GMDS: variants seen among roughly 807,000 people sequenced by gnomAD.
GMDS encodes the protein GDP-mannose 4,6 dehydratase.
In GMDS, 20 loss-of-function variants were observed where a neutral mutation model predicts 49.9. The ratio of observed to expected loss-of-function variants is 0.40; its 90% CI spans 0.28 to 0.58. The LOEUF (loss-of-function observed/expected upper bound fraction) is 0.58, where lower values mean the gene tolerates loss of function less well. Among genes scored for constraint, GMDS ranks in the 20% least tolerant of loss-of-function variants. The pLI, the probability that GMDS is intolerant of heterozygous loss-of-function variation, is 0.42. For missense variants in GMDS, 362 were observed against 481.4 expected, an observed-to-expected ratio of 0.75 and a Z score of 2.32; for synonymous variants, 177 against 178.6, an observed-to-expected ratio of 0.99 and a Z score of 0.07.
At chr6:1,702,891 T>G (rs1765591644) in intron 9 of GMDS, among the ~76,000 whole-genome samples, 1 of 152,164 alleles carries the variant, frequency 6.6e-6, no homozygotes, top group Admixed American at 6.5e-5. Context: ...CAACCCTCGC[T>G]AAGAGGAGGG....
intron 1 of GMDS, among the ~76,000 whole-genome samples, chr6:2,229,408 CAAA>C (rs1210456971): frequency 5.6e-5 from 5 of 89,268 alleles, no homozygotes; most frequent in Non-Finnish European, 1.2e-4. Context: ...CCTGTTTCTA[CAAA>C]AAAAAAAAAA....
At chr6:2,157,080 T>G (rs1427633231) in intron 1 of GMDS, among the ~76,000 whole-genome samples, 2 of 152,224 alleles carry the variant, frequency 1.3e-5, no homozygotes, top group Non-Finnish European at 2.9e-5. Context: ...ACTGACAGAC[T>G]CACTAAAAAC....
chr6:1,889,396 T>C (rs950328098), intron 7 of GMDS, among the ~76,000 whole-genome samples: 1 of 152,126 alleles, frequency 6.6e-6, no homozygotes, highest in African/African-American at 2.4e-5. Context: ...TACCTTCTTC[T>C]TGGTCCTTAA....
chr6:1,695,549 G>C (rs1765308516), intron 9 of GMDS, among the ~76,000 whole-genome samples: 1 of 152,200 alleles, frequency 6.6e-6, no homozygotes, highest in Admixed American at 6.5e-5. Context: ...TAATCATAGA[G>C]GGCTCTCTCA....
intron 9 of GMDS, among the ~76,000 whole-genome samples, chr6:1,663,180 T>A (rs1764134530): frequency 1.3e-5 from 2 of 152,188 alleles, no homozygotes; most frequent in African/African-American, 4.8e-5. Flanking sequence ...TTCTAGAACA[T>A]GCACTGATAA....
chr6:1,913,144 G>A (rs370238003), intron 7 of GMDS, among the ~76,000 whole-genome samples: 12 of 152,058 alleles, frequency 7.9e-5, no homozygotes, highest in Non-Finnish European at 1.6e-4. Context: ...CACTTTGGGA[G>A]GCCGAGGCGG....
chr6:1,717,888 T>C (rs1346339026), intron 9 of GMDS, among the ~76,000 whole-genome samples: 1 of 152,182 alleles, frequency 6.6e-6, no homozygotes, highest in African/African-American at 2.4e-5. Context: ...ACATAGTGAT[T>C]TGAAATTGGG....
rs1401755854 is a variant in GMDS at position 1,979,697 on chromosome 6, C to A, written c.346-18731G>T. 2.0e-5 allele frequency among the ~76,000 whole-genome samples: 3 copies of A among 152,058 alleles called. No homozygotes were observed. In the East Asian group the frequency reaches 5.8e-4, roughly 29 times the overall value. ...TTCAAATTCAGGAAATGCAGAGAAT[C>A]CCTGTGAAATACTTCATAAGAAGAT... On this transcript the variant is annotated intron_variant, in intron 4 of 10. Coordinates refer to ENST00000380815, the MANE Select transcript of GMDS (RefSeq NM_001500.4).
chr6:2,174,064 TGA>T (rs1778149504), intron 1 of GMDS, among the ~76,000 whole-genome samples: 2 of 152,198 alleles, frequency 1.3e-5, no homozygotes, highest in African/African-American at 4.8e-5. Context: ...AAGATATAGA[TGA>T]ATTACAGGCT....
At chr6:1,892,183 G>A (rs1033351298) in intron 7 of GMDS, among the ~76,000 whole-genome samples, 1 of 151,272 alleles carries the variant, frequency 6.6e-6, no homozygotes, top group Admixed American at 6.6e-5. Context: ...TTTCTCTCGG[G>A]GGAGACTGAA....
At chr6:1,717,922 A>G (rs546372950) in intron 9 of GMDS, among the ~76,000 whole-genome samples, 3 of 152,224 alleles carry the variant, frequency 2.0e-5, no homozygotes, top group Non-Finnish European at 4.4e-5. Flanking sequence ...CCTGAAACTC[A>G]GTTTTTCTTG....
intron 7 of GMDS, among the ~76,000 whole-genome samples, chr6:1,847,734 T>C (rs1757473452): frequency 6.6e-6 from 1 of 152,202 alleles, no homozygotes; most frequent in East Asian, 1.9e-4. Flanking sequence ...GAGTCATTCT[T>C]AATTCATTTT....
chr6:2,204,247 C>A (rs1779684647), intron 1 of GMDS, among the ~76,000 whole-genome samples: 1 of 152,098 alleles, frequency 6.6e-6, no homozygotes, highest in Admixed American at 6.6e-5. Context: ...ATTTTTTTAC[C>A]AAGAAGTGCT....
chr6:1,996,146 C>T (rs1766267306), intron 4 of GMDS, among the ~76,000 whole-genome samples: 1 of 151,252 alleles, frequency 6.6e-6, no homozygotes. Flanking sequence ...CTTCTTCCTC[C>T]TTCCTCTTCC....
intron 7 of GMDS, among the ~76,000 whole-genome samples, chr6:1,808,616 G>A (rs925783962): frequency 3.3e-5 from 5 of 152,046 alleles, no homozygotes; most frequent in Non-Finnish European, 7.4e-5. Flanking sequence ...CTAATCCTAG[G>A]TGCCAGGTAC....
chr6:2,184,289 C>T (rs1022722921), intron 1 of GMDS, among the ~76,000 whole-genome samples: 5 of 152,190 alleles, frequency 3.3e-5, no homozygotes, highest in African/African-American at 1.2e-4. Flanking sequence ...TGATCTCAAA[C>T]CACACGTGAG....
intron 1 of GMDS, among the ~76,000 whole-genome samples, chr6:2,207,172 G>C (rs1396895906): frequency 6.6e-6 from 1 of 152,076 alleles, no homozygotes. Context: ...CAATGACCTA[G>C]GTAGCCTCCT....
chr6:1,993,737 T>TAAA (rs111826936), intron 4 of GMDS, among the ~76,000 whole-genome samples: 20 of 145,442 alleles, frequency 1.4e-4, no homozygotes, highest in Admixed American at 2.0e-4. Flanking sequence ...ACTCCTTCTC[T>TAAA]AAAAAAAAAA....
At chr6:1,675,167 C>T (rs1764575236) in intron 9 of GMDS, among the ~76,000 whole-genome samples, 2 of 151,780 alleles carry the variant, frequency 1.3e-5, no homozygotes, top group South Asian at 4.2e-4. Context: ...CAACTCCTGA[C>T]CTCAGGTGAT....
Sources: allele counts gnomAD v4.1 joint callset (sites outside exome capture counted in the v4.1 genomes callset), GRCh38; gene constraint gnomAD v4.1.1; transcripts MANE v1.5; gene names NCBI Gene and HGNC (gene_info 2026-07-23, HGNC 2026-07-21).